ABAT: variants seen among roughly 807,000 people sequenced by gnomAD.
The protein encoded by ABAT is 4-aminobutyrate aminotransferase.
ABAT carries 45 observed loss-of-function variants against 64.6 expected under a neutral mutation model. The observed-to-expected ratio is 0.70, with a 90% CI of 0.55 to 0.89. The LOEUF is 0.89. ABAT is among the 40% of genes least tolerant of loss of function. The pLI is 0.00. For synonymous variants in ABAT, 297 were observed against 250.5 expected (o/e 1.19, Z -1.75); for missense variants, 633 against 658.4 (o/e 0.96, Z 0.42).
intron 12 of ABAT, among the ~76,000 whole-genome samples, chr16:8,773,196 G>T (rs189301397): frequency 0.01 from 1,509 of 149,322 alleles, 22 homozygotes; most frequent in African/African-American, 0.036. Context: ...CTGTTACCCA[G>T]GCTGGAGTGC....
At chr16:8,743,251 T>C (rs1177375582) in intron 2 of ABAT, among the ~76,000 whole-genome samples, 2 of 150,908 alleles carry the variant, frequency 1.3e-5, no homozygotes, top group African/African-American at 4.9e-5. Flanking sequence ...AAATTAAGAG[T>C]GATTTTAAAT....
chr16:8,691,245 T>G (rs186279304), intron 1 of ABAT, among the ~76,000 whole-genome samples: 1 of 152,236 alleles, frequency 6.6e-6, no homozygotes, highest in South Asian at 2.1e-4. Flanking sequence ...TTGATGTGGT[T>G]TCAAACCCAT....
intron 1 of ABAT, among the ~76,000 whole-genome samples, chr16:8,724,969 T>C (rs1310456362): frequency 6.6e-6 from 1 of 150,500 alleles, no homozygotes; most frequent in Non-Finnish European, 1.5e-5. Flanking sequence ...CAGGCTGGAG[T>C]GCAGTGGCGC....
intron 1 of ABAT, among the ~76,000 whole-genome samples, chr16:8,722,439 C>G (rs1421229448): frequency 1.3e-5 from 2 of 152,182 alleles, no homozygotes; most frequent in East Asian, 3.9e-4. Flanking sequence ...GCCACCACAC[C>G]TGGCCAGAAG....
intron 1 of ABAT, among the ~76,000 whole-genome samples, chr16:8,687,856 G>GA (rs2057491491): frequency 6.6e-6 from 1 of 151,958 alleles, no homozygotes; most frequent in Non-Finnish European, 1.5e-5. Flanking sequence ...AACATTATAT[G>GA]AATGGTTGTT....
At position 8,748,943 on chromosome 16, in the gene ABAT, T is replaced by C. The variant is rs527536236; in HGVS notation, c.198+806T>C. Among the ~76,000 whole-genome samples, 69 of 152,314 alleles carry C rather than the reference T, an allele frequency of 4.5e-4. 1 individual carries two copies. The South Asian group carries it at 0.014, about 32-fold the overall frequency. ...TCTCCTGTAAACAGCATCGAGTTGG[T>C]TCTTTTTATCCAGTCTGACAATCTC... On this transcript the variant is annotated intron_variant, in intron 4 of 15. Coordinates refer to ENST00000268251, the MANE Select transcript of ABAT (RefSeq NM_020686.6).
At chr16:8,698,207 T>C (rs2057745476) in intron 1 of ABAT, among the ~76,000 whole-genome samples, 1 of 151,982 alleles carries the variant, frequency 6.6e-6, no homozygotes, top group Non-Finnish European at 1.5e-5. Flanking sequence ...GCCGGAGGAG[T>C]GGTTGAGAAT....
At chr16:8,779,816 T>G (rs907002928) in intron 15 of ABAT, among the ~76,000 whole-genome samples, 1 of 152,134 alleles carries the variant, frequency 6.6e-6, no homozygotes, top group Non-Finnish European at 1.5e-5. Context: ...GAGTTGTAAG[T>G]GGACACTGGA....
chr16:8,746,657 A>G (rs1474266156), intron 3 of ABAT, among the ~76,000 whole-genome samples: 8 of 151,776 alleles, frequency 5.3e-5, no homozygotes, highest in Admixed American at 4.6e-4. Flanking sequence ...TTGGGATTAC[A>G]GGCGAGATGG....
rs111279225 is a variant in ABAT at position 8,776,085 on chromosome 16, C to T, written c.1123-259C>T. On this transcript the variant is annotated intron_variant, in intron 13 of 15. Transcript: ENST00000268251. The surrounding 1 kb of genome is among the most constrained non-coding windows in gnomAD (Gnocchi z 4.4). ...CTGAGGGATTTCCCAGTGCATGGGA[C>T]GATTTGGTCCTCCCCATAGCAGTTC... Among the ~76,000 whole-genome samples the T allele has an allele frequency of 2.0e-4, 30 of 152,278 alleles. No individual in the cohort carries two copies. The highest frequency in any genetic ancestry group is 6.5e-4 in the African/African-American group (27 of 41,566).
At chr16:8,690,228 C>G (rs2057549238) in intron 1 of ABAT, among the ~76,000 whole-genome samples, 1 of 152,308 alleles carries the variant, frequency 6.6e-6, no homozygotes, top group African/African-American at 2.4e-5. Context: ...GTCTGGAACT[C>G]TTTTCTCCCC....
intron 9 of ABAT, 79 bp from the exon 10 acceptor site, chr16:8,768,114 C>T (rs1416725575): frequency 1.4e-6 from 2 of 1,440,536 alleles, no homozygotes; most frequent in Non-Finnish European, 9.8e-7. Context: ...TTTCTGTGTC[C>T]CTCTGGACTT....
intron 1 of ABAT, among the ~76,000 whole-genome samples, chr16:8,700,656 C>G (rs1471937900): frequency 2.0e-5 from 3 of 152,176 alleles, no homozygotes; most frequent in Non-Finnish European, 4.4e-5. Flanking sequence ...AGTGCTGTGG[C>G]TTGATCATAG....
chr16:8,746,221 A>G, intron 3 of ABAT, 123 bp downstream of exon 3: 1 of 777,360 alleles, frequency 1.3e-6, no homozygotes, highest in Non-Finnish European at 2.2e-6. Context: ...GTTCACCACC[A>G]GAGATCTGAG....
intron 5 of ABAT, 38 bp from the exon 6 acceptor site, chr16:8,757,719 A>G (rs764056165): frequency 3.7e-6 from 6 of 1,606,792 alleles, no homozygotes; most frequent in Non-Finnish European, 4.3e-6. Flanking sequence ...GAACCCTTGG[A>G]TGCAATGAGG....
chr16:8,767,479 C>G (rs2059978556), intron 9 of ABAT, among the ~76,000 whole-genome samples: 1 of 152,120 alleles, frequency 6.6e-6, no homozygotes, highest in Non-Finnish European at 1.5e-5. Context: ...TAGTAGGGAG[C>G]CAGGGGATGG....
chr16:8,713,046 T>G (rs970546926), intron 1 of ABAT: 1 of 147,478 alleles, frequency 6.8e-6, no homozygotes, highest in Non-Finnish European at 1.5e-5. Flanking sequence ...AATGGGGGAG[T>G]TGGGTAATCG....
At chr16:8,763,223 G>A (rs1292134208) in intron 6 of ABAT, among the ~76,000 whole-genome samples, 1 of 152,038 alleles carries the variant, frequency 6.6e-6, no homozygotes, top group Admixed American at 6.6e-5. Flanking sequence ...TCTAAAGTCA[G>A]TAAACCTAGA....
At chr16:8,752,883 A>G (rs1236841708) in intron 5 of ABAT, among the ~76,000 whole-genome samples, 1 of 152,150 alleles carries the variant, frequency 6.6e-6, no homozygotes, top group Non-Finnish European at 1.5e-5. Flanking sequence ...CTTATAGAGA[A>G]TTTACTATGC....
Sources: allele counts gnomAD v4.1 joint callset (sites outside exome capture counted in the v4.1 genomes callset), GRCh38; gene constraint gnomAD v4.1.1; non-coding constraint Gnocchi (gnomAD v3.1); transcripts MANE v1.5; gene names NCBI Gene and HGNC (gene_info 2026-07-23, HGNC 2026-07-21).